The following MKLN1 variants were observed in gnomAD, a reference collection of about 807,000 sequenced individuals.
The protein encoded by MKLN1 is muskelin 1.
Under a neutral mutation model 99.0 loss-of-function variants are expected in MKLN1, and 18 were observed. The ratio of observed to expected loss-of-function variants is 0.18; its 90% CI spans 0.13 to 0.27. The LOEUF (loss-of-function observed/expected upper bound fraction) is 0.27. Among genes scored for constraint, MKLN1 ranks in the 10% least tolerant of loss-of-function variants. The pLI is 1.00. For synonymous variants in MKLN1, 288 were observed against 293.2 expected (o/e 0.98, Z 0.18); for missense variants, 621 against 875.9 (o/e 0.71, Z 3.67).
intron 2 of MKLN1, among the ~76,000 whole-genome samples, chr7:131,166,421 A>T (rs911155062): frequency 2.6e-5 from 4 of 152,112 alleles, no homozygotes; most frequent in African/African-American, 7.2e-5. Flanking sequence ...ATGCCTTCTC[A>T]TCTTACTCAG....
chr7:131,252,801 G>T (rs912859820), intron 3 of MKLN1, among the ~76,000 whole-genome samples: 10 of 152,088 alleles, frequency 6.6e-5, no homozygotes, highest in Non-Finnish European at 8.8e-5. Context: ...CTCTGTTCTT[G>T]GCATGCACAA....
intron 3 of MKLN1, among the ~76,000 whole-genome samples, chr7:131,293,044 T>C (rs887601706): frequency 7.9e-5 from 12 of 152,232 alleles, no homozygotes; most frequent in African/African-American, 2.7e-4. Flanking sequence ...CTGGGCTGGC[T>C]TTGTCACTTG....
intron 15 of MKLN1, among the ~76,000 whole-genome samples, chr7:131,467,039 A>G (rs1796684850): frequency 6.6e-6 from 1 of 152,204 alleles, no homozygotes; most frequent in Non-Finnish European, 1.5e-5. Flanking sequence ...TGGTTACTGT[A>G]GTGTTATATG....
At chr7:131,271,614 C>G (rs1364477719) in intron 3 of MKLN1, among the ~76,000 whole-genome samples, 2 of 129,256 alleles carry the variant, frequency 1.5e-5, no homozygotes, top group Non-Finnish European at 3.2e-5. Context: ...GAGACTCCGT[C>G]TCCTAAAAAA....
At chr7:131,276,137 A>C (rs970055810) in intron 3 of MKLN1, among the ~76,000 whole-genome samples, 1 of 152,248 alleles carries the variant, frequency 6.6e-6, no homozygotes, top group Admixed American at 6.5e-5. Context: ...GTCAAACTCC[A>C]CAGGGAAGGA....
chr7:131,190,010 TAAGTGTGAC>T (rs1796510915), intron 2 of MKLN1, among the ~76,000 whole-genome samples: 1 of 152,138 alleles, frequency 6.6e-6, no homozygotes, highest in Non-Finnish European at 1.5e-5. Context: ...TAATGAAGGC[TAAGTGTGAC>T]AAGGTTAAAT....
intron 6 of MKLN1, among the ~76,000 whole-genome samples, chr7:131,409,604 A>G (rs934747026): frequency 2.6e-5 from 4 of 152,190 alleles, no homozygotes; most frequent in African/African-American, 9.6e-5. Flanking sequence ...TACCCAGAAA[A>G]GAAAGATTAG....
intron 2 of MKLN1, among the ~76,000 whole-genome samples, chr7:131,147,079 G>C (rs1019240809): frequency 6.6e-6 from 1 of 151,912 alleles, no homozygotes; most frequent in Non-Finnish European, 1.5e-5. Context: ...TTTTTTTTGA[G>C]ATAGGGTCTC....
At chr7:131,428,946 A>C (rs1394054054) in intron 8 of MKLN1, 87 bp from the exon 9 acceptor site, 1 of 922,558 alleles carries the variant, frequency 1.1e-6, no homozygotes, top group African/African-American at 1.7e-5. Context: ...TAGCTTCTTA[A>C]GTGGCCTTAG....
intron 17 of MKLN1, among the ~76,000 whole-genome samples, chr7:131,481,960 A>G (rs1440923977): frequency 6.6e-6 from 1 of 152,210 alleles, no homozygotes; most frequent in African/African-American, 2.4e-5. Flanking sequence ...ATGGAAGGTG[A>G]CATTATCTTA....
upstream of MKLN1, among the ~76,000 whole-genome samples, chr7:131,324,769 A>G (rs1798850899): frequency 6.6e-6 from 1 of 152,152 alleles, no homozygotes; most frequent in Non-Finnish European, 1.5e-5. Context: ...AGTGGGGGAG[A>G]AGGACAGGAT....
At chr7:131,397,614 G>T (rs1021911233) in intron 5 of MKLN1, among the ~76,000 whole-genome samples, 1 of 152,158 alleles carries the variant, frequency 6.6e-6, no homozygotes, top group African/African-American at 2.4e-5. Context: ...ATGAAGAAAT[G>T]AAGAACAGAG....
chr7:131,202,295 T>G (rs1326666222), intron 2 of MKLN1, among the ~76,000 whole-genome samples: 1 of 151,762 alleles, frequency 6.6e-6, no homozygotes, highest in Non-Finnish European at 1.5e-5. Flanking sequence ...TTTTGTATTT[T>G]AGTAGAGACA....
chr7:131,252,329 C>CTT lies in MKLN1; in HGVS notation c.-179+49371_-179+49372dup, dbSNP rs60581249. ...CATAGTGAAAGGACTTTTTTCTTTT[C>CTT]TTTTTTTTTTTTTTTTTGAGATGGA... On this transcript the variant is annotated intron_variant, in intron 3 of 7. Transcript: ENST00000416992. Among the ~76,000 whole-genome samples, 968 of 118,498 alleles carry CTT rather than the reference C, an allele frequency of 8.2e-3. 33 individuals carry two copies. The highest frequency in any genetic ancestry group is 0.024 in the African/African-American group (759 of 31,642). 77.7% of individuals were successfully genotyped at this position (118,498 alleles called of 152,430 possible).
chr7:131,157,004 C>T (rs1795978897), intron 2 of MKLN1, among the ~76,000 whole-genome samples: 1 of 152,180 alleles, frequency 6.6e-6, no homozygotes, highest in Admixed American at 6.5e-5. Flanking sequence ...CCTCAACTGT[C>T]ATTGTCGCCG....
chr7:131,463,725 A>G (rs1383731725), intron 13 of MKLN1, among the ~76,000 whole-genome samples: 1 of 152,210 alleles, frequency 6.6e-6, no homozygotes, highest in Non-Finnish European at 1.5e-5. Context: ...AGGAGGGGAC[A>G]GTATTACTTA....
At chr7:131,349,996 GTTGAC>G (rs1453533894) in intron 1 of MKLN1, among the ~76,000 whole-genome samples, 2 of 129,012 alleles carry the variant, frequency 1.6e-5, no homozygotes, top group East Asian at 5.2e-4. Flanking sequence ...GTAGTGATAA[GTTGAC>G]TTGAGTTTTG....
intron 8 of MKLN1, among the ~76,000 whole-genome samples, chr7:131,421,761 A>G (rs1037745974): frequency 6.6e-6 from 1 of 152,178 alleles, no homozygotes; most frequent in African/African-American, 2.4e-5. Context: ...GAAATGTTTT[A>G]AAGTAATTAA....
chr7:131,447,722 T>C (rs1265135213), intron 12 of MKLN1, among the ~76,000 whole-genome samples: 1 of 152,224 alleles, frequency 6.6e-6, no homozygotes, highest in Non-Finnish European at 1.5e-5. Context: ...AAAGTGCTTA[T>C]AATCTAGCTA....
Sources: gnomAD v4.1 joint callset for allele counts (sites outside exome capture counted in the v4.1 genomes callset) on GRCh38, gnomAD v4.1.1 for gene constraint, MANE v1.5 for transcripts, NCBI Gene and HGNC (gene_info 2026-07-23, HGNC 2026-07-21) for gene names.